The following CAPN1 variants were observed in gnomAD, a reference collection of about 807,000 sequenced individuals.
CAPN1 encodes the protein calpain-1 catalytic subunit.
Under a neutral mutation model 105.2 loss-of-function variants are expected in CAPN1, and 77 were observed. That is an observed-to-expected ratio of 0.73 (90% confidence interval 0.61 to 0.88). The LOEUF is 0.88. CAPN1 is among the 40% of genes least tolerant of loss of function. CAPN1 has a pLI of 0.00. For missense variants in CAPN1, 833 were observed against 976.6 expected, an observed-to-expected ratio of 0.85 and a Z score of 1.96; for synonymous variants, 355 against 388.8, an observed-to-expected ratio of 0.91 and a Z score of 1.02.
At chr11:65,193,469 C>A (rs1030815272) in intron 10 of CAPN1, among the ~76,000 whole-genome samples, 4 of 151,472 alleles carry the variant, frequency 2.6e-5, no homozygotes, top group Admixed American at 6.6e-5. Flanking sequence ...CACAGTGAAA[C>A]CCCGTCTCTA....
chr11:65,196,659 A>G (rs1177511597), intron 10 of CAPN1, among the ~76,000 whole-genome samples: 3 of 152,112 alleles, frequency 2.0e-5, no homozygotes. Flanking sequence ...CTCTTTTAAT[A>G]TATGTACATT....
In CAPN1 at chr11:65,210,749, G is replaced by A. The variant is rs1949036114; in HGVS notation, c.2060-65G>A. 7.5e-7 allele frequency: 1 copy of A among 1,330,382 alleles called. No individual in the cohort carries two copies. The highest frequency in any genetic ancestry group is 1.1e-6 in the Non-Finnish European group (1 of 921,804). The allele number at this position is 1,330,382 out of a possible 1,614,324, so 82.4% of individuals were successfully genotyped here. ...AGGGACCAGGCAGGAAGGGGGCCAG[G>A]CCTGGCCCTGCGTGAATATCCCACT... On this transcript the variant is annotated intron_variant, in intron 20 of 21. Coordinates refer to ENST00000279247, the MANE Select transcript of CAPN1 (RefSeq NM_005186.4). This position sits in a 1 kb window ranked among gnomAD's most constrained non-coding sequence, Gnocchi z 4.3.
At chr11:65,195,209 A>C (rs1004056490) in intron 10 of CAPN1, among the ~76,000 whole-genome samples, 10 of 149,570 alleles carry the variant, frequency 6.7e-5, no homozygotes, top group African/African-American at 2.5e-4. Context: ...TCCCAGGTTC[A>C]AGTGATTCTC....
rs1447932181 is a variant in CAPN1 at position 65,190,043 on chromosome 11, G to T, written c.1165+1297G>T. On this transcript the variant is annotated intron_variant, in intron 10 of 21. Transcript: ENST00000279247. ...TGGCAGAACAGTCCCTGTTCATGGG[G>T]ACCCCCACGTCTGCTCCAGATCCCA... 2.6e-5 allele frequency among the ~76,000 whole-genome samples: 4 copies of T among 152,168 alleles called. No homozygotes were observed. In the East Asian group the frequency reaches 7.7e-4, roughly 29 times the overall value.
At chr11:65,206,236 G>A (rs902079134) in intron 12 of CAPN1, 13 of 589,478 alleles carry the variant, frequency 2.2e-5, no homozygotes, top group African/African-American at 1.5e-4. Context: ...TCTGCAATCC[G>A]GTGCTCCTCT....
rs185906823 is a variant in CAPN1, at chr11:65,208,706, G to A, written c.1729+444G>A. Reference sequence around the variant, plus strand: ...AGTTGGGAGGATGGCTTGAGACCAGGGAGGTTAAGGCTGCAGTGAGCTGTG... The same window carrying A: ...AGTTGGGAGGATGGCTTGAGACCAGAGAGGTTAAGGCTGCAGTGAGCTGTG... On this transcript the variant is annotated intron_variant, in intron 16 of 21. Coordinates refer to ENST00000279247, the MANE Select transcript of CAPN1 (RefSeq NM_005186.4). The surrounding 1 kb of genome is among the most constrained non-coding windows in gnomAD (Gnocchi z 4.1). 2.2e-4 allele frequency: 63 copies of A among 286,012 alleles called. No individual in the cohort carries two copies. Among genetic ancestry groups the A allele is most frequent in the African/African-American group, 1.2e-3 (54 of 46,096 alleles). 17.7% of individuals were successfully genotyped at this position (286,012 alleles called of 1,614,324 possible). A position where few individuals can be genotyped will look rare whatever the true frequency, so the allele number is the denominator to read the frequency against.
rs907082055 is a variant in CAPN1, at chr11:65,211,944, GGGAGGTCCCGTGTTCCATATAGA to G, written c.*662_*684del. ...TGCCAGAGGCACTAGGCTTGGGGTG[GGGAGGTCCCGTGTTCCATATAGA>G]GGAACCCCAAATAATAAAAGGCCCC... On this transcript the variant is annotated 3_prime_UTR_variant, in exon 22 of 22. Transcript: ENST00000279247. 1.3e-5 allele frequency: 2 copies of G among 152,838 alleles called. No homozygotes were observed. The highest frequency in any genetic ancestry group is 4.8e-5 in the African/African-American group (2 of 41,444). The allele number at this position is 152,838 out of a possible 1,614,324, so 9.5% of individuals were successfully genotyped here.
At chr11:65,183,852 C>T (rs943475689) in intron 4 of CAPN1, among the ~76,000 whole-genome samples, 1 of 152,124 alleles carries the variant, frequency 6.6e-6, no homozygotes, top group Non-Finnish European at 1.5e-5. Flanking sequence ...GTGTTATATC[C>T]TGTGGGACAA....
At chr11:65,205,815 C>A in intron 12 of CAPN1, 94 bp downstream of exon 12, 1 of 1,160,260 alleles carries the variant, frequency 8.6e-7, no homozygotes, top group African/African-American at 1.5e-5. Context: ...GCCTGGAGAG[C>A]TAAGAAGTCA....
In CAPN1 at chr11:65,188,283, C is replaced by T; in HGVS notation, c.930-131C>T. On this transcript the variant is annotated intron_variant, in intron 8 of 21. Coordinates refer to ENST00000279247, the MANE Select transcript of CAPN1 (RefSeq NM_005186.4). This position sits in a 1 kb window ranked among gnomAD's most constrained non-coding sequence, Gnocchi z 5.5. The stretch of plus-strand genomic sequence containing the variant: ...ATGAGACCACCCCCTAGAAGCGGAA[C>T]CTTGGCGCTTGACCTTGAGGAGGCC... The T allele has an allele frequency of 3.7e-6, 3 of 812,682 alleles. 1 individual carries two copies. The South Asian group carries it at 5.1e-5, about 14-fold the overall frequency. The allele number at this position is 812,682 out of a possible 1,614,324, so 50.3% of individuals were successfully genotyped here.
chr11:65,207,088 A>C (rs1407141471), intron 14 of CAPN1, among the ~76,000 whole-genome samples: 1 of 151,742 alleles, frequency 6.6e-6, no homozygotes, highest in Non-Finnish European at 1.5e-5. Context: ...TTTCCTCCCC[A>C]CATCAACCCT....
rs767724907 is a variant in CAPN1, at chr11:65,211,257, C to T, written c.2119-3C>T. 1 of 1,612,840 alleles carries T rather than the reference C, an allele frequency of 6.2e-7. No individual in the cohort carries two copies. The highest frequency in any genetic ancestry group is 1.7e-5 in the Admixed American group (1 of 59,980). On this transcript the variant is annotated splice_region_variant and splice_polypyrimidine_tract_variant and intron_variant, in intron 21 of 21. Transcript: ENST00000279247. Reference sequence around the variant, plus strand: ...CCCAGCTGACCTGCCTGTTCTCCCGCAGTGGTTGCAGCTGACCATGTTTGC... The same window carrying T: ...CCCAGCTGACCTGCCTGTTCTCCCGTAGTGGTTGCAGCTGACCATGTTTGC...
chr11:65,183,918 G>T (rs1361794607), intron 4 of CAPN1, among the ~76,000 whole-genome samples: 1 of 152,146 alleles, frequency 6.6e-6, no homozygotes, highest in Non-Finnish European at 1.5e-5. Context: ...AGGAGTGTTC[G>T]CTGGGGAAAA....
At chr11:65,190,781 C>G (rs1008889573) in intron 10 of CAPN1, among the ~76,000 whole-genome samples, 2 of 151,400 alleles carry the variant, frequency 1.3e-5, no homozygotes, top group African/African-American at 2.4e-5. Context: ...GGCGCGATCT[C>G]GGCTCACTGC....
At chr11:65,211,064 T>TC in intron 21 of CAPN1, 192 bp downstream of exon 21, 2 of 741,914 alleles carry the variant, frequency 2.7e-6, no homozygotes. Flanking sequence ...GGAGGGGAGG[T>TC]CCAGGCCCTT....
In CAPN1 at chr11:65,209,768, G is replaced by A. The variant is rs1051416906; in HGVS notation, c.1795-81G>A. ...CCCCAAGTCGACTTGCCGGCTCGGC[G>A]GCCATCTCCCCTTCTGCACAGTTGC... On this transcript the variant is annotated intron_variant, in intron 17 of 21. Transcript: ENST00000279247. The surrounding 1 kb of genome is among the most constrained non-coding windows in gnomAD (Gnocchi z 4.1). The A allele has an allele frequency of 2.2e-5, 31 of 1,399,174 alleles. No individual in the cohort carries two copies. The highest frequency in any genetic ancestry group is 5.7e-5 in the African/African-American group (4 of 70,414). The allele number at this position is 1,399,174 out of a possible 1,614,324, so 86.7% of individuals were successfully genotyped here.
Position 65,185,960 on chromosome 11 carries a change from TG to T in CAPN1, c.501del (p.Leu168CysfsTer8). ...TGGGTGGACGTGGTCGTGGATGACCTGCTGCCCATCAAGGACGGGAAGCTAG... is the reference window on the plus strand; with the variant it reads ...TGGGTGGACGTGGTCGTGGATGACCTCTGCCCATCAAGGACGGGAAGCTAG... ...GEWVDVVVDD[L>X]LPIKDGKLVF... On this transcript the variant is annotated frameshift_variant, in exon 5 of 22. Coordinates refer to ENST00000279247, the MANE Select transcript of CAPN1 (RefSeq NM_005186.4). LOFTEE classifies it high-confidence loss of function. 6.3e-7 allele frequency: 1 copy of T among 1,597,394 alleles called. No individual in the cohort carries two copies. Among genetic ancestry groups the T allele is most frequent in the Non-Finnish European group, 8.5e-7 (1 of 1,171,936 alleles).
In CAPN1 at chr11:65,211,372, C is replaced by T; in HGVS notation, c.*86C>T. The T allele has an allele frequency of 3.0e-6, 4 of 1,350,680 alleles. No homozygotes were observed. The highest frequency in any genetic ancestry group is 4.2e-6 in the Non-Finnish European group (4 of 958,014). The allele number at this position is 1,350,680 out of a possible 1,614,324, so 83.7% of individuals were successfully genotyped here. On this transcript the variant is annotated 3_prime_UTR_variant, in exon 22 of 22. Transcript: ENST00000279247. ...CCTACCACACCACACCAGGCCACCC[C>T]AGCTGCAAGTGCCTTCCTTGGAGCA...
intron 10 of CAPN1, among the ~76,000 whole-genome samples, chr11:65,194,832 C>T (rs1001226333): frequency 1.3e-5 from 2 of 152,092 alleles, no homozygotes; most frequent in Admixed American, 6.6e-5. Context: ...TTCCTGTGAA[C>T]ATTCATGTGC....
Sources: gnomAD v4.1 joint callset for allele counts (sites outside exome capture counted in the v4.1 genomes callset) on GRCh38, gnomAD v4.1.1 for gene constraint, Gnocchi (gnomAD v3.1) non-coding constraint, MANE v1.5 for transcripts, NCBI Gene and HGNC (gene_info 2026-07-23, HGNC 2026-07-21) for gene names.